The following VPS13B variants were observed in gnomAD, a reference collection of about 807,000 sequenced individuals.
The protein encoded by VPS13B is vacuolar protein sorting 13 homolog B.
A neutral mutation model predicts 426.4 loss-of-function variants in VPS13B; 285 were observed. The observed-to-expected ratio is 0.67, with a 90% CI of 0.61 to 0.74. The LOEUF (loss-of-function observed/expected upper bound fraction) is 0.74, where lower values mean the gene tolerates loss of function less well. VPS13B is among the 30% of genes least tolerant of loss of function. The pLI is 0.00. For synonymous variants in VPS13B, 1,676 were observed against 1,676.4 expected, an observed-to-expected ratio of 1.00 and a Z score of 0.01; for missense variants, 4,537 against 4,782.6, an observed-to-expected ratio of 0.95 and a Z score of 1.51.
chr8:99,298,108 T>A (rs1820142292), intron 19 of VPS13B, among the ~76,000 whole-genome samples: 1 of 152,264 alleles, frequency 6.6e-6, no homozygotes, highest in South Asian at 2.1e-4. Context: ...ATATTAGTGC[T>A]AAATAAGTTT....
At chr8:99,418,450 C>G (rs898087123) in intron 21 of VPS13B, among the ~76,000 whole-genome samples, 1 of 146,688 alleles carries the variant, frequency 6.8e-6, no homozygotes, top group African/African-American at 2.5e-5. Context: ...AACACTTTAT[C>G]ATAGTTTTCT....
intron 33 of VPS13B, among the ~76,000 whole-genome samples, chr8:99,607,955 A>G (rs1457860583): frequency 7.2e-5 from 11 of 152,140 alleles, no homozygotes; most frequent in Admixed American, 7.2e-4. Context: ...TGCCTTAATG[A>G]AAGACAGCTA....
chr8:99,873,542 C>T (rs1363262310), intron 61 of VPS13B, among the ~76,000 whole-genome samples: 2 of 152,186 alleles, frequency 1.3e-5, no homozygotes, highest in South Asian at 2.1e-4. Context: ...AGCCAAGGCC[C>T]GGCACTGGCT....
intron 19 of VPS13B, among the ~76,000 whole-genome samples, chr8:99,297,923 A>G (rs901491647): frequency 3.9e-5 from 6 of 152,156 alleles, no homozygotes; most frequent in African/African-American, 1.4e-4. Context: ...GCTGGGTAAT[A>G]CATTATTGGT....
At chr8:99,206,846 A>G (rs1323784627) in intron 17 of VPS13B, among the ~76,000 whole-genome samples, 1 of 152,142 alleles carries the variant, frequency 6.6e-6, no homozygotes, top group Non-Finnish European at 1.5e-5. Flanking sequence ...TACTTCCCCC[A>G]ACACCATCAT....
intron 35 of VPS13B, among the ~76,000 whole-genome samples, chr8:99,662,794 C>T (rs1160375828): frequency 6.6e-6 from 1 of 152,038 alleles, no homozygotes; most frequent in Admixed American, 6.6e-5. Context: ...CACCTGTAAT[C>T]CCAGCATTTT....
intron 19 of VPS13B, among the ~76,000 whole-genome samples, chr8:99,314,813 A>G (rs566494218): frequency 6.6e-6 from 1 of 152,178 alleles, no homozygotes; most frequent in African/African-American, 2.4e-5. Flanking sequence ...TGTTGGGTGC[A>G]TATATGTTTA....
At chr8:99,434,949 G>C (rs1817295088) in intron 22 of VPS13B, among the ~76,000 whole-genome samples, 1 of 152,068 alleles carries the variant, frequency 6.6e-6, no homozygotes, top group Admixed American at 6.6e-5. Flanking sequence ...GTTATATGTT[G>C]GGCTATATGC....
chr8:99,148,891 A>G (rs373259947), intron 14 of VPS13B, among the ~76,000 whole-genome samples: 2 of 152,252 alleles, frequency 1.3e-5, no homozygotes, highest in South Asian at 4.1e-4. Context: ...CTTAGCGCAT[A>G]TGTGGAAAGC....
rs1487388065 is a variant in VPS13B, at chr8:99,853,431, C to A, written c.10062-20C>A. 6.2e-7 allele frequency: 1 copy of A among 1,611,910 alleles called. No individual in the cohort carries two copies. Among genetic ancestry groups the A allele is most frequent in the South Asian group, 1.1e-5 (1 of 90,800 alleles). On this transcript the variant is annotated intron_variant, in intron 55 of 61. Coordinates refer to ENST00000357162, the MANE Select transcript of VPS13B (RefSeq NM_152564.5). Reference sequence around the variant, plus strand: ...AAAGGTGAGTGGGGGGACTAATGTTCTTGTCCCTTTCTCCTCTAGAGCGCC... The same window carrying A: ...AAAGGTGAGTGGGGGGACTAATGTTATTGTCCCTTTCTCCTCTAGAGCGCC...
At chr8:99,471,136 C>T (rs1460583761) in intron 24 of VPS13B, among the ~76,000 whole-genome samples, 1 of 151,882 alleles carries the variant, frequency 6.6e-6, no homozygotes, top group Non-Finnish European at 1.5e-5. Context: ...CTCTATTCTA[C>T]AAGAAATGCT....
intron 33 of VPS13B, among the ~76,000 whole-genome samples, chr8:99,628,835 T>A (rs1828723185): frequency 6.6e-6 from 1 of 152,000 alleles, no homozygotes; most frequent in African/African-American, 2.4e-5. Context: ...TGGAGTGCAG[T>A]GGCGTGATCA....
At chr8:99,671,745 A>T (rs533418938) in intron 35 of VPS13B, among the ~76,000 whole-genome samples, 1 of 151,808 alleles carries the variant, frequency 6.6e-6, no homozygotes, top group Admixed American at 6.6e-5. Flanking sequence ...GCATCCTCTA[A>T]CTCCTAGTGT....
At chr8:99,765,200 G>GT (rs1275747769) in intron 39 of VPS13B, among the ~76,000 whole-genome samples, 3 of 152,166 alleles carry the variant, frequency 2.0e-5, no homozygotes, top group Admixed American at 6.5e-5. Flanking sequence ...AGCTGAGATC[G>GT]TACCACTTCA....
At chr8:99,674,523 C>G (rs1180541257) in intron 35 of VPS13B, among the ~76,000 whole-genome samples, 1 of 151,812 alleles carries the variant, frequency 6.6e-6, no homozygotes, top group African/African-American at 2.4e-5. Context: ...TTTTTATAAT[C>G]TATTAATTTG....
chr8:99,639,985 GTAATAATAATAATAATAATAA>G (rs58877812), intron 33 of VPS13B, among the ~76,000 whole-genome samples: 2,781 of 79,710 alleles, frequency 0.035, 69 homozygotes, highest in East Asian at 0.12. Context: ...TTTAAAAATA[GTAATAATAATAATAATAATAA>G]TAATAATAAT....
At position 99,854,036 on chromosome 8, in the gene VPS13B, G is replaced by A; in HGVS notation, c.10647G>A (p.Gln3549=). The stretch of plus-strand genomic sequence containing the variant: ...AGGTGTTGCCCATGCAGGTCACACA[G>A]CACGCCAGGGCCTTGGTGAATCCTG... ...GKQVLPMQVT[Q]HARALVNPVK... Residue 3549 remains glutamine, a synonymous_variant, in exon 56 of 62, where the codon CAG becomes CAA. Coordinates refer to ENST00000357162, the MANE Select transcript of VPS13B (RefSeq NM_152564.5). 6.2e-7 allele frequency: 1 copy of A among 1,614,144 alleles called. No individual in the cohort carries two copies. Among genetic ancestry groups the A allele is most frequent in the East Asian group, 2.2e-5 (1 of 44,872 alleles).
chr8:99,378,629 G>C (rs868806153), intron 19 of VPS13B, among the ~76,000 whole-genome samples: 4 of 152,266 alleles, frequency 2.6e-5, no homozygotes, highest in Middle Eastern at 3.4e-3. Context: ...CACAATTTAT[G>C]TTCTTCCATC....
At chr8:99,159,239 T>A (rs1375257037) in intron 15 of VPS13B, among the ~76,000 whole-genome samples, 1 of 151,608 alleles carries the variant, frequency 6.6e-6, no homozygotes, top group Non-Finnish European at 1.5e-5. Context: ...GGAGGAGGAG[T>A]TGCTTCTTAT....
Sources: allele counts gnomAD v4.1 joint callset (sites outside exome capture counted in the v4.1 genomes callset), GRCh38; gene constraint gnomAD v4.1.1; transcripts MANE v1.5; gene names NCBI Gene and HGNC (gene_info 2026-07-23, HGNC 2026-07-21).